Variants in CHL1 observed in about 807,000 individuals in gnomAD.
CHL1 encodes cell adhesion molecule L1 like.
A neutral mutation model predicts 141.9 loss-of-function variants in CHL1; 96 were observed. The observed-to-expected ratio is 0.68, with a 90% CI of 0.57 to 0.80. The LOEUF (loss-of-function observed/expected upper bound fraction) is 0.80, where lower values mean the gene tolerates loss of function less well. CHL1 is among the 30% of genes least tolerant of loss of function. CHL1 has a pLI of 0.00. For synonymous variants in CHL1, 613 were observed against 502.2 expected (o/e 1.22, Z -2.95); for missense variants, 1,820 against 1,457.2 (o/e 1.25, Z -4.05).
intron 2 of CHL1, among the ~76,000 whole-genome samples, chr3:285,062 C>T (rs1242758801): frequency 6.6e-6 from 1 of 152,180 alleles, no homozygotes; most frequent in African/African-American, 2.4e-5. Flanking sequence ...AAATACAAAG[C>T]TGTTTTAAGC....
At chr3:388,442 G>T (rs1707937847) in intron 19 of CHL1, among the ~76,000 whole-genome samples, 1 of 151,962 alleles carries the variant, frequency 6.6e-6, no homozygotes, top group African/African-American at 2.4e-5. Context: ...AGCTACTCAG[G>T]AGGCTGAGGA....
intron 2 of CHL1, chr3:282,792 C>G (rs1007535392): frequency 6.6e-6 from 1 of 152,186 alleles, no homozygotes; most frequent in Non-Finnish European, 1.5e-5. Flanking sequence ...AAAGCAAGCA[C>G]TCTGGATCTT....
At chr3:394,389 A>G (rs930253222) in intron 23 of CHL1, among the ~76,000 whole-genome samples, 16 of 152,202 alleles carry the variant, frequency 1.1e-4, no homozygotes, top group Admixed American at 9.8e-4. Flanking sequence ...GCTGGCTCCA[A>G]TATAGCACAG....
chr3:243,365 T>C (rs1335767642), intron 1 of CHL1, among the ~76,000 whole-genome samples: 3 of 152,180 alleles, frequency 2.0e-5, no homozygotes, highest in Non-Finnish European at 4.4e-5. Flanking sequence ...ATGTGTACCA[T>C]GGACCCATTG....
intron 1 of CHL1, among the ~76,000 whole-genome samples, chr3:207,776 A>G (rs1182093620): frequency 6.6e-6 from 1 of 152,222 alleles, no homozygotes; most frequent in Non-Finnish European, 1.5e-5. Flanking sequence ...CAATTCTCAG[A>G]GGAGCAAACT....
At chr3:202,566 G>T (rs537171477) in intron 1 of CHL1, among the ~76,000 whole-genome samples, 1 of 152,240 alleles carries the variant, frequency 6.6e-6, no homozygotes, top group African/African-American at 2.4e-5. Flanking sequence ...CTAGAAATCT[G>T]GATTTTTGAA....
chr3:366,055 T>G lies in CHL1; in HGVS notation c.1691T>G (p.Leu564Trp). 1 of 1,614,074 alleles carries G rather than the reference T, an allele frequency of 6.2e-7. No individual in the cohort carries two copies. Among genetic ancestry groups the G allele is most frequent in the South Asian group, 1.1e-5 (1 of 91,072 alleles). The change falls in exon 15 of 28, where the codon TTG becomes TGG. Residue 564 changes from leucine to tryptophan, a missense_variant. By Grantham distance (61) the Leu-to-Trp change is moderately conservative. Transcript: ENST00000256509. ...SKCDSHLKHSLKLSWSKDGEA... is the reference protein window; with the variant it reads ...SKCDSHLKHSWKLSWSKDGEA... The stretch of plus-strand genomic sequence containing the variant: ...TGTGACTCACATTTGAAACACAGTT[T>G]GAAGTTGTCCTGGAGTAAAGATGGA...
At position 358,392 on chromosome 3, in the gene CHL1, G is replaced by C. The variant is rs375014752; in HGVS notation, c.1166-1892G>C. ...CTTTGTGATTACATTGAGCCCACTT[G>C]GGTCATCCAGATGTAGGAAATAATT... is the stretch of plus-strand genomic sequence containing the variant. On this transcript the variant is annotated intron_variant, in intron 11 of 27. Coordinates refer to ENST00000256509, the MANE Select transcript of CHL1 (RefSeq NM_006614.4). Among the ~76,000 whole-genome samples the C allele has an allele frequency of 5.9e-4, 90 of 152,194 alleles. 1 individual carries two copies. In the South Asian group the frequency reaches 0.018, roughly 31 times the overall value.
chr3:204,586 C>G (rs533747140), intron 1 of CHL1, among the ~76,000 whole-genome samples: 1 of 152,116 alleles, frequency 6.6e-6, no homozygotes, highest in Non-Finnish European at 1.5e-5. Context: ...GTTGGAAGTT[C>G]GGTTTTTTAT....
intron 15 of CHL1, among the ~76,000 whole-genome samples, chr3:370,223 G>A (rs953718333): frequency 4.6e-5 from 7 of 152,130 alleles, no homozygotes; most frequent in African/African-American, 1.7e-4. Flanking sequence ...AATCCATCTG[G>A]TCCTGGGCTT....
intron 5 of CHL1, among the ~76,000 whole-genome samples, chr3:333,122 C>CTCTTTTTTTTTTTTT (rs1383301108): frequency 7.0e-5 from 1 of 14,308 alleles, no homozygotes; most frequent in Non-Finnish European, 2.5e-4. Context: ...GATAATTGCT[C>CTCTTTTTTTTTTTTT]TATTTTTTTT....
At chr3:388,568 G>T (rs200357018) in intron 19 of CHL1, among the ~76,000 whole-genome samples, 1 of 136,192 alleles carries the variant, frequency 7.3e-6, no homozygotes, top group South Asian at 2.3e-4. Flanking sequence ...AAAAAAAAAA[G>T]AAACGAAAAA....
intron 1 of CHL1, among the ~76,000 whole-genome samples, chr3:226,074 T>G (rs931975248): frequency 6.7e-6 from 1 of 150,238 alleles, no homozygotes; most frequent in Admixed American, 6.6e-5. Context: ...CAGGAGAGAG[T>G]GCGGAGGCAC....
intron 1 of CHL1, among the ~76,000 whole-genome samples, chr3:207,517 C>G (rs941322575): frequency 3.3e-5 from 5 of 152,254 alleles, no homozygotes; most frequent in East Asian, 1.9e-4. Context: ...GTAAAGAATG[C>G]TTAAGGCATC....
At chr3:197,515 C>G (rs1003785046) in intron 1 of CHL1, 3 of 237,980 alleles carry the variant, frequency 1.3e-5, no homozygotes, top group East Asian at 2.1e-4. Flanking sequence ...CGGCCTCTGT[C>G]TCCCACCGCG....
chr3:198,260 C>T (rs1204716298), intron 1 of CHL1, among the ~76,000 whole-genome samples: 1 of 152,018 alleles, frequency 6.6e-6, no homozygotes, highest in South Asian at 2.1e-4. Flanking sequence ...AGCCCCTCCT[C>T]GAAGGGCGCC....
Position 328,318 on chromosome 3 carries a change from A to T in CHL1, c.349A>T (p.Ile117Phe). ...CTGCTTTGCTTCAAATAAACTGGGA[A>T]TCGCTATGTCAGAAGAAATAGAATT... Reference protein sequence around the residue: ...YRCFASNKLGIAMSEEIEFIV... With the variant: ...YRCFASNKLGFAMSEEIEFIV... The change falls in exon 5 of 28, where the codon ATC becomes TTC. Residue 117 changes from isoleucine to phenylalanine, a missense_variant. Physicochemically the swap from Ile to Phe is conservative, Grantham distance 21. Transcript: ENST00000256509. 1.9e-6 allele frequency: 3 copies of T among 1,612,144 alleles called. No homozygotes were observed. The highest frequency in any genetic ancestry group is 2.5e-6 in the Non-Finnish European group (3 of 1,178,872).
rs751058917 is a variant in CHL1, at chr3:398,364, G to A, written c.3232G>A (p.Val1078Ile). 7 of 1,602,342 alleles carry A rather than the reference G, an allele frequency of 4.4e-6. No individual in the cohort carries two copies. The highest frequency in any genetic ancestry group is 5.1e-6 in the Non-Finnish European group (6 of 1,169,584). The change falls in exon 25 of 28, where the codon GTA becomes ATA. Residue 1078 changes from valine (V) to isoleucine (I), a missense_variant. Transcript: ENST00000256509. Reference sequence around the variant, plus strand: ...CGATAATGATAGCATTTTTCAAGATGTAATTGAGACAAGAGGGAGAGGTGA... The same window carrying A: ...CGATAATGATAGCATTTTTCAAGATATAATTGAGACAAGAGGGAGAGGTGA... ...WGDNDSIFQD[V>I]IETRGREYAG...
At position 377,224 on chromosome 3, in the gene CHL1, A is replaced by G. The variant is rs142441710; in HGVS notation, c.1752-594A>G. On this transcript the variant is annotated intron_variant, in intron 15 of 27. Coordinates refer to ENST00000256509, the MANE Select transcript of CHL1 (RefSeq NM_006614.4). ...AACAAATGATAAAAAGTGAGGTGAA[A>G]TGATTTGCAAAAAGAAGTACTACAC... Among the ~76,000 whole-genome samples the G allele has an allele frequency of 2.2e-3, 329 of 152,348 alleles. 1 individual carries two copies. The highest frequency in any genetic ancestry group is 7.5e-3 in the African/African-American group (314 of 41,592).
Sources: gnomAD v4.1 joint callset for allele counts (sites outside exome capture counted in the v4.1 genomes callset) on GRCh38, gnomAD v4.1.1 for gene constraint, MANE v1.5 for transcripts, NCBI Gene and HGNC (gene_info 2026-07-23, HGNC 2026-07-21) for gene names.